EXT1: variants seen among roughly 807,000 people sequenced by gnomAD.
EXT1 encodes the protein exostosin glycosyltransferase 1.
EXT1 carries 20 observed loss-of-function variants against 82.5 expected under a neutral mutation model. The ratio of observed to expected loss-of-function variants is 0.24; its 90% CI spans 0.17 to 0.35. The LOEUF is 0.35. EXT1 is among the 10% of genes least tolerant of loss of function. The pLI is 1.00. For synonymous variants in EXT1, 348 were observed against 350.8 expected, an observed-to-expected ratio of 0.99 and a Z score of 0.09; for missense variants, 757 against 936.5, an observed-to-expected ratio of 0.81 and a Z score of 2.50.
chr8:117,917,293 G>T (rs541230807), intron 1 of EXT1, among the ~76,000 whole-genome samples: 1 of 152,146 alleles, frequency 6.6e-6, no homozygotes, highest in Admixed American at 6.5e-5. Context: ...GGCGGACATG[G>T]CTTAATCCCG....
At chr8:117,867,955 T>C (rs1451440368) in intron 1 of EXT1, among the ~76,000 whole-genome samples, 2 of 152,228 alleles carry the variant, frequency 1.3e-5, no homozygotes, top group Non-Finnish European at 2.9e-5. Context: ...TATTGAGGGC[T>C]TCAGCACACG....
chr8:118,022,161 C>T (rs1430045959), intron 1 of EXT1, among the ~76,000 whole-genome samples: 1 of 151,936 alleles, frequency 6.6e-6, no homozygotes, highest in African/African-American at 2.4e-5. Context: ...ACCTCAGTTG[C>T]AGCCTTTACA....
chr8:117,814,074 G>A (rs1215730003), intron 7 of EXT1, among the ~76,000 whole-genome samples: 4 of 151,238 alleles, frequency 2.6e-5, no homozygotes, highest in Non-Finnish European at 4.4e-5. Context: ...GGAGGAGGAG[G>A]AGAAGAAGGA....
At chr8:117,923,493 A>G (rs1158724080) in intron 1 of EXT1, among the ~76,000 whole-genome samples, 10 of 151,920 alleles carry the variant, frequency 6.6e-5, no homozygotes, top group Admixed American at 2.0e-4. Context: ...CAAGGCGGGC[A>G]GATCACGAGG....
At chr8:117,854,218 A>C (rs1812502494) in intron 1 of EXT1, among the ~76,000 whole-genome samples, 1 of 152,234 alleles carries the variant, frequency 6.6e-6, no homozygotes, top group African/African-American at 2.4e-5. Flanking sequence ...CTGGGAACAA[A>C]GGAAAAGCCA....
At chr8:117,974,194 T>C (rs181579787) in intron 1 of EXT1, among the ~76,000 whole-genome samples, 285 of 152,342 alleles carry the variant, frequency 1.9e-3, no homozygotes, top group African/African-American at 6.5e-3. Context: ...TAGCAGATTA[T>C]AGAAGAGCTT....
At chr8:118,085,948 T>C (rs1817410190) in intron 1 of EXT1, among the ~76,000 whole-genome samples, 1 of 152,178 alleles carries the variant, frequency 6.6e-6, no homozygotes, top group Non-Finnish European at 1.5e-5. Context: ...AGCTATTAAG[T>C]GCTTACTGTT....
intron 1 of EXT1, among the ~76,000 whole-genome samples, chr8:117,841,315 C>T (rs1812270693): frequency 6.6e-6 from 1 of 152,116 alleles, no homozygotes; most frequent in African/African-American, 2.4e-5. Flanking sequence ...CGAAAGTGTA[C>T]ATACTGTTGA....
chr8:117,811,040 C>T (rs138584024), intron 8 of EXT1, among the ~76,000 whole-genome samples: 19 of 152,274 alleles, frequency 1.2e-4, no homozygotes, highest in African/African-American at 4.6e-4. Flanking sequence ...AAGGGAGGAG[C>T]TGCTTCCTGC....
chr8:118,015,303 G>A (rs1056911541), intron 1 of EXT1, among the ~76,000 whole-genome samples: 2 of 152,126 alleles, frequency 1.3e-5, no homozygotes, highest in Non-Finnish European at 2.9e-5. Flanking sequence ...CTCGAGAGAG[G>A]GGGTAATGTT....
At chr8:117,894,505 A>G (rs1488662275) in intron 1 of EXT1, among the ~76,000 whole-genome samples, 3 of 152,218 alleles carry the variant, frequency 2.0e-5, no homozygotes, top group African/African-American at 7.2e-5. Flanking sequence ...AAGAGAAAAC[A>G]ATGAAAACGA....
At chr8:117,918,610 G>T (rs1160269210) in intron 1 of EXT1, among the ~76,000 whole-genome samples, 1 of 152,204 alleles carries the variant, frequency 6.6e-6, no homozygotes, top group East Asian at 1.9e-4. Flanking sequence ...TGAAACTTCT[G>T]CTTTTGCTCT....
At chr8:117,984,951 T>G (rs972520535) in intron 1 of EXT1, among the ~76,000 whole-genome samples, 2 of 152,126 alleles carry the variant, frequency 1.3e-5, no homozygotes, top group Non-Finnish European at 2.9e-5. Flanking sequence ...TCAGGAACGC[T>G]ACGGACGGGC....
intron 1 of EXT1, among the ~76,000 whole-genome samples, chr8:118,052,465 T>C (rs1166717858): frequency 6.6e-6 from 1 of 152,204 alleles, no homozygotes; most frequent in Non-Finnish European, 1.5e-5. Flanking sequence ...CTAACAGCAG[T>C]ACATTTAACA....
At position 117,962,251 on chromosome 8, in the gene EXT1, A is replaced by G. The variant is rs113718978; in HGVS notation, c.963-125050T>C. Among the ~76,000 whole-genome samples, 1,221 of 152,252 alleles carry G rather than the reference A, an allele frequency of 8.0e-3. 23 individuals carry two copies. The highest frequency in any genetic ancestry group is 0.028 in the African/African-American group (1,167 of 41,540). On this transcript the variant is annotated intron_variant, in intron 1 of 10. Transcript: ENST00000378204. ...ATTTGGAATACTCTTCTTTCTATGA[A>G]TCTATGCTATGAAAAGCAGAAACTG...
At chr8:117,946,775 C>T (rs1814398407) in intron 1 of EXT1, among the ~76,000 whole-genome samples, 2 of 151,962 alleles carry the variant, frequency 1.3e-5, no homozygotes, top group Non-Finnish European at 2.9e-5. Context: ...TCAGTGCTTA[C>T]ACCACCACCT....
intron 1 of EXT1, among the ~76,000 whole-genome samples, chr8:118,108,374 C>T (rs1031969385): frequency 3.9e-5 from 6 of 152,146 alleles, no homozygotes; most frequent in African/African-American, 1.2e-4. Flanking sequence ...GACTTCATCT[C>T]GAGTTACTCC....
chr8:117,876,470 T>A (rs903451793), intron 1 of EXT1, among the ~76,000 whole-genome samples: 1 of 152,232 alleles, frequency 6.6e-6, no homozygotes, highest in African/African-American at 2.4e-5. Flanking sequence ...AACTGCTTTT[T>A]TAAAATGTTC....
chr8:117,911,908 C>T (rs1275867473), intron 1 of EXT1, among the ~76,000 whole-genome samples: 2 of 152,146 alleles, frequency 1.3e-5, no homozygotes, highest in Non-Finnish European at 2.9e-5. Flanking sequence ...AACACTGACA[C>T]AATCTGCAAT....
Sources: gnomAD v4.1 joint callset for allele counts (sites outside exome capture counted in the v4.1 genomes callset) on GRCh38, gnomAD v4.1.1 for gene constraint, MANE v1.5 for transcripts, NCBI Gene and HGNC (gene_info 2026-07-23, HGNC 2026-07-21) for gene names.